PLCB4: variants seen among roughly 807,000 people sequenced by gnomAD.
The protein encoded by PLCB4 is phospholipase C beta 4.
PLCB4 carries 77 observed loss-of-function variants against 178.8 expected under a neutral mutation model. The observed-to-expected ratio is 0.43, with a 90% CI of 0.36 to 0.52. The LOEUF (loss-of-function observed/expected upper bound fraction) is 0.52. Ranked by LOEUF, PLCB4 falls within the 20% of genes least tolerant of loss-of-function variation. The probability of loss-of-function intolerance (pLI) is 0.00; values close to 1 mark genes in which losing one functional copy is unlikely to be tolerated. For synonymous variants in PLCB4, 496 were observed against 490.8 expected (o/e 1.01, Z -0.14); for missense variants, 1,024 against 1,453.4 (o/e 0.70, Z 4.80).
chr20:9,159,852 A>G (rs112475373), intron 2 of PLCB4, among the ~76,000 whole-genome samples: 177 of 152,350 alleles, frequency 1.2e-3, no homozygotes, highest in African/African-American at 3.9e-3. Context: ...TTCCAAAGTC[A>G]TAGCAAGATA....
At chr20:9,427,348 A>G (rs2041089978) in intron 28 of PLCB4, among the ~76,000 whole-genome samples, 1 of 152,120 alleles carries the variant, frequency 6.6e-6, no homozygotes. Context: ...CAAAATGTCC[A>G]ACAATACAGT....
chr20:9,473,952 C>A (rs1210311305), intron 38 of PLCB4, among the ~76,000 whole-genome samples: 1 of 152,164 alleles, frequency 6.6e-6, no homozygotes, highest in Non-Finnish European at 1.5e-5. Context: ...GCGCAGTGGG[C>A]TCATGCCTGT....
At chr20:9,173,342 G>A (rs1047715539) in intron 2 of PLCB4, among the ~76,000 whole-genome samples, 2 of 152,174 alleles carry the variant, frequency 1.3e-5, no homozygotes, top group African/African-American at 4.8e-5. Context: ...CTCATCTCCT[G>A]ATAAATTAGA....
rs561086849 is a variant in PLCB4, at chr20:9,258,629, C to T, written c.-16+41177C>T. Among the ~76,000 whole-genome samples the T allele has an allele frequency of 3.4e-5, 5 of 148,872 alleles. No individual in the cohort carries two copies. The East Asian group carries it at 8.1e-4, about 24-fold the overall frequency. ...ACTCAGGATGCTGAGGCAGGAGAAT[C>T]GCTTGAACTCGGGAGGCGGAGGTTG... is the stretch of plus-strand genomic sequence containing the variant. On this transcript the variant is annotated intron_variant, in intron 3 of 39. Transcript: ENST00000378473.
chr20:9,475,104 T>G (rs2044458943), intron 38 of PLCB4, among the ~76,000 whole-genome samples: 1 of 152,254 alleles, frequency 6.6e-6, no homozygotes, highest in African/African-American at 2.4e-5. Flanking sequence ...AGAAGGTTTT[T>G]AAAAATTCTC....
At chr20:9,380,184 C>CT (rs764600672) in intron 13 of PLCB4, 22 bp downstream of exon 13, 2 of 1,118,484 alleles carry the variant, frequency 1.8e-6, no homozygotes, top group Admixed American at 4.8e-5. Context: ...GAAAAAAGGA[C>CT]TTAAAAAAAA....
chr20:9,113,940 G>A (rs190698769), intron 2 of PLCB4, among the ~76,000 whole-genome samples: 28 of 152,222 alleles, frequency 1.8e-4, no homozygotes, highest in African/African-American at 5.3e-4. Context: ...CTGGCCAGGC[G>A]CAGTGGCTCA....
intron 13 of PLCB4, among the ~76,000 whole-genome samples, chr20:9,382,181 G>A (rs1381797875): frequency 2.0e-5 from 3 of 152,092 alleles, no homozygotes; most frequent in South Asian, 2.1e-4. Flanking sequence ...TTCACATCAT[G>A]TCTGGTTCAT....
At chr20:9,360,057 T>C (rs1439576441) in intron 7 of PLCB4, among the ~76,000 whole-genome samples, 3 of 152,316 alleles carry the variant, frequency 2.0e-5, no homozygotes, top group Middle Eastern at 6.8e-3. Flanking sequence ...GGGCAAGCCA[T>C]TGGGTGAAAA....
intron 2 of PLCB4, among the ~76,000 whole-genome samples, chr20:9,176,511 G>GA (rs1568897954): frequency 2.0e-5 from 3 of 151,978 alleles, no homozygotes; most frequent in Admixed American, 1.3e-4. Flanking sequence ...CAGACAAATA[G>GA]AAAAAAACCT....
intron 3 of PLCB4, among the ~76,000 whole-genome samples, chr20:9,257,436 A>T (rs1395977364): frequency 6.6e-6 from 1 of 152,228 alleles, no homozygotes; most frequent in Non-Finnish European, 1.5e-5. Context: ...CCATATAATT[A>T]TGTAGAACTA....
Position 9,368,238 on chromosome 20 carries a change from G to A in PLCB4, c.503+2724G>A, listed in dbSNP as rs755571337. On this transcript the variant is annotated intron_variant, in intron 9 of 39. Transcript: ENST00000378473. The stretch of plus-strand genomic sequence containing the variant: ...ACCAAAATTTAATATCCAGGAAGTT[G>A]CAGGAATAACACATGAAGAAAGTCT... Among the ~76,000 whole-genome samples the A allele has an allele frequency of 7.9e-5, 12 of 152,288 alleles. No homozygotes were observed. The South Asian group carries it at 1.2e-3, about 16-fold the overall frequency.
intron 2 of PLCB4, among the ~76,000 whole-genome samples, chr20:9,096,844 C>T (rs1155662): frequency 0.62 from 94,753 of 151,980 alleles, 30,257 homozygotes; most frequent in Middle Eastern, 0.76. Context: ...CTTGGGTGTA[C>T]GGTATCTTTT....
intron 28 of PLCB4, among the ~76,000 whole-genome samples, chr20:9,426,551 G>A (rs887538963): frequency 6.6e-6 from 1 of 151,910 alleles, no homozygotes; most frequent in Non-Finnish European, 1.5e-5. Context: ...CTAATTTTGT[G>A]TTTTTAGTAG....
chr20:9,156,631 C>T (rs1418521191), intron 2 of PLCB4, among the ~76,000 whole-genome samples: 1 of 152,076 alleles, frequency 6.6e-6, no homozygotes, highest in East Asian at 1.9e-4. Flanking sequence ...AACTTAGACT[C>T]TTAGTACATA....
At chr20:9,254,475 A>G (rs572785371) in intron 3 of PLCB4, among the ~76,000 whole-genome samples, 2 of 152,284 alleles carry the variant, frequency 1.3e-5, no homozygotes, top group East Asian at 1.9e-4. Context: ...CAGGTGGACC[A>G]CTTGAGGCCC....
At chr20:9,181,872 C>T (rs1171384463) in intron 2 of PLCB4, among the ~76,000 whole-genome samples, 1 of 152,024 alleles carries the variant, frequency 6.6e-6, no homozygotes, top group Non-Finnish European at 1.5e-5. Flanking sequence ...CTTAGAATAA[C>T]ACCAATACAG....
chr20:9,182,984 G>A (rs559925590), intron 2 of PLCB4, among the ~76,000 whole-genome samples: 23 of 152,264 alleles, frequency 1.5e-4, no homozygotes, highest in African/African-American at 3.1e-4. Flanking sequence ...AGGATTCAAC[G>A]TGTCTTTCTG....
chr20:9,446,131 A>G (rs2042400091), intron 32 of PLCB4, among the ~76,000 whole-genome samples: 2 of 152,214 alleles, frequency 1.3e-5, no homozygotes, highest in African/African-American at 4.8e-5. Flanking sequence ...GTCTCATTTA[A>G]GACTCTACCC....
Sources: gnomAD v4.1 joint callset for allele counts (sites outside exome capture counted in the v4.1 genomes callset) on GRCh38, gnomAD v4.1.1 for gene constraint, MANE v1.5 for transcripts, NCBI Gene and HGNC (gene_info 2026-07-23, HGNC 2026-07-21) for gene names.